ZCCHC7: variants seen among roughly 807,000 people sequenced by gnomAD.
ZCCHC7 encodes zinc finger CCHC-type containing 7.
ZCCHC7 carries 35 observed loss-of-function variants against 52.0 expected under a neutral mutation model. That is an observed-to-expected ratio of 0.67 (90% CI 0.51 to 0.89). The LOEUF (loss-of-function observed/expected upper bound fraction) is 0.89. Ranked by LOEUF, ZCCHC7 falls within the 40% of genes least tolerant of loss-of-function variation. The pLI is 0.00. For synonymous variants in ZCCHC7, 217 were observed against 221.5 expected (o/e 0.98, Z 0.18); for missense variants, 574 against 649.1 (o/e 0.88, Z 1.26).
intron 2 of ZCCHC7, among the ~76,000 whole-genome samples, chr9:37,130,275 C>G (rs1283218276): frequency 2.2e-5 from 3 of 137,786 alleles, no homozygotes; most frequent in East Asian, 4.2e-4. Context: ...CCTTGAATGA[C>G]ATAGTGTTTC....
At chr9:37,233,221 C>G (rs1191510116) in intron 2 of ZCCHC7, among the ~76,000 whole-genome samples, 1 of 152,044 alleles carries the variant, frequency 6.6e-6, no homozygotes, top group African/African-American at 2.4e-5. Flanking sequence ...TATAGCTTAG[C>G]CTAGCATATC....
chr9:37,267,846 G>A (rs891890431), intron 2 of ZCCHC7, among the ~76,000 whole-genome samples: 2 of 152,086 alleles, frequency 1.3e-5, no homozygotes, highest in Non-Finnish European at 2.9e-5. Flanking sequence ...TGAGATTACA[G>A]GCGTGAGCCA....
chr9:37,205,614 T>G (rs1823864289), intron 2 of ZCCHC7, among the ~76,000 whole-genome samples: 1 of 152,216 alleles, frequency 6.6e-6, no homozygotes, highest in Non-Finnish European at 1.5e-5. Context: ...CCTCTCAGGT[T>G]CAAGCAATTC....
intron 2 of ZCCHC7, among the ~76,000 whole-genome samples, chr9:37,149,766 T>C (rs1843603596): frequency 6.6e-6 from 1 of 152,214 alleles, no homozygotes; most frequent in Non-Finnish European, 1.5e-5. Flanking sequence ...TATAAAAGTC[T>C]ATGTAAGTTG....
chr9:37,284,084 C>T (rs1828097722), intron 2 of ZCCHC7: 1 of 152,208 alleles, frequency 6.6e-6, no homozygotes, highest in East Asian at 1.9e-4. Context: ...GTGACAGGCT[C>T]TATTTAAAGA....
chr9:37,254,697 T>G (rs10973269), intron 2 of ZCCHC7, among the ~76,000 whole-genome samples: 20,747 of 152,044 alleles, frequency 0.14, 1,726 homozygotes, highest in Non-Finnish European at 0.17. Context: ...ACATACGAGT[T>G]GAGTATTCCT....
At chr9:37,268,126 A>G (rs1054422252) in intron 2 of ZCCHC7, among the ~76,000 whole-genome samples, 2 of 152,334 alleles carry the variant, frequency 1.3e-5, no homozygotes, top group African/African-American at 4.8e-5. Context: ...TCCTCAGAGC[A>G]GGGACTGTGT....
intron 6 of ZCCHC7, among the ~76,000 whole-genome samples, chr9:37,338,177 G>A (rs538961731): frequency 6.6e-6 from 1 of 152,160 alleles, no homozygotes; most frequent in East Asian, 1.9e-4. Flanking sequence ...GAGTTGTTTT[G>A]ATAGGGGGAG....
chr9:37,135,816 G>A (rs1406755465), intron 2 of ZCCHC7, among the ~76,000 whole-genome samples: 1 of 152,040 alleles, frequency 6.6e-6, no homozygotes, highest in Non-Finnish European at 1.5e-5. Flanking sequence ...TAACTATTTT[G>A]TGTTAAATCC....
chr9:37,255,787 C>G (rs1183121939), intron 2 of ZCCHC7, among the ~76,000 whole-genome samples: 1 of 152,042 alleles, frequency 6.6e-6, no homozygotes, highest in African/African-American at 2.4e-5. Context: ...TTCACTTTAT[C>G]AAAATGGGAC....
chr9:37,178,022 C>T (rs1180104227), intron 2 of ZCCHC7, among the ~76,000 whole-genome samples: 1 of 152,138 alleles, frequency 6.6e-6, no homozygotes, highest in Non-Finnish European at 1.5e-5. Flanking sequence ...ATTTACCATA[C>T]TAATGTAAGA....
chr9:37,317,105 C>T (rs754925614), intron 5 of ZCCHC7, among the ~76,000 whole-genome samples: 3 of 152,070 alleles, frequency 2.0e-5, no homozygotes, highest in Admixed American at 6.5e-5. Flanking sequence ...AAATAGTTCA[C>T]ACTCAATTTG....
At position 37,282,842 on chromosome 9, in the gene ZCCHC7, G is replaced by A. The variant is rs563326131; in HGVS notation, c.611-19346G>A. On this transcript the variant is annotated intron_variant, in intron 2 of 8. Coordinates refer to ENST00000336755, the MANE Select transcript of ZCCHC7 (RefSeq NM_032226.3). ...TAAAAAAAAGGCGGGGGGAGTGAGG[G>A]GGTAAGAAAAGAGTCAAGAAGACCT... is the stretch of plus-strand genomic sequence containing the variant. Among the ~76,000 whole-genome samples the A allele has an allele frequency of 1.8e-4, 27 of 150,892 alleles. No individual in the cohort carries two copies. The South Asian group carries it at 5.7e-3, about 32-fold the overall frequency.
Position 37,354,109 on chromosome 9 carries a change from C to T in ZCCHC7, c.1084-601C>T, listed in dbSNP as rs1821552290. Among the ~76,000 whole-genome samples the T allele has an allele frequency of 6.6e-6, 1 of 152,156 alleles. No homozygotes were observed. The highest frequency in any genetic ancestry group is 6.5e-5 in the Admixed American group (1 of 15,270). ...TGGGTGGCGGAAGCAAGAAGAGAAA[C>T]TTCTTTTGGGGTGTCTCACAATTAC... On this transcript the variant is annotated intron_variant, in intron 7 of 8. Coordinates refer to ENST00000336755, the MANE Select transcript of ZCCHC7 (RefSeq NM_032226.3). The surrounding 1 kb of genome is among the most constrained non-coding windows in gnomAD (Gnocchi z 4.0).
chr9:37,356,465 A>G (rs1821708414), intron 8 of ZCCHC7, among the ~76,000 whole-genome samples: 1 of 152,208 alleles, frequency 6.6e-6, no homozygotes, highest in Non-Finnish European at 1.5e-5. Context: ...TCAAAAGGCC[A>G]TTTTATAAAT....
intron 2 of ZCCHC7, among the ~76,000 whole-genome samples, chr9:37,244,278 A>G (rs910841570): frequency 6.6e-6 from 1 of 151,394 alleles, no homozygotes; most frequent in Non-Finnish European, 1.5e-5. Flanking sequence ...AAGAAGAAAA[A>G]GACTGCCCCA....
At chr9:37,303,383 G>A (rs1452132755) in intron 3 of ZCCHC7, among the ~76,000 whole-genome samples, 1 of 150,546 alleles carries the variant, frequency 6.6e-6, no homozygotes, top group Non-Finnish European at 1.5e-5. Context: ...TCGAGATCAC[G>A]CCACTTCACT....
intron 2 of ZCCHC7, among the ~76,000 whole-genome samples, chr9:37,208,297 G>T (rs1824030947): frequency 6.6e-6 from 1 of 152,058 alleles, no homozygotes; most frequent in South Asian, 2.1e-4. Flanking sequence ...TGTTGCCCAG[G>T]CTGGTCTTGA....
At chr9:37,322,965 T>C (rs559398245) in intron 5 of ZCCHC7, among the ~76,000 whole-genome samples, 1 of 152,304 alleles carries the variant, frequency 6.6e-6, no homozygotes, top group African/African-American at 2.4e-5. Context: ...GTTAATACAG[T>C]GGAGCACTTG....
Sources: gnomAD v4.1 joint callset for allele counts (sites outside exome capture counted in the v4.1 genomes callset) on GRCh38, gnomAD v4.1.1 for gene constraint, Gnocchi (gnomAD v3.1) non-coding constraint, MANE v1.5 for transcripts, NCBI Gene and HGNC (gene_info 2026-07-23, HGNC 2026-07-21) for gene names.